Variants in ALDH18A1 observed in about 807,000 individuals in gnomAD.
ALDH18A1 encodes delta-1-pyrroline-5-carboxylate synthase.
In ALDH18A1, 44 loss-of-function variants were observed where a neutral mutation model predicts 88.8. The observed-to-expected ratio is 0.50, with a 90% CI of 0.39 to 0.64. The LOEUF (loss-of-function observed/expected upper bound fraction) is 0.64, where lower values mean the gene tolerates loss of function less well. ALDH18A1 is among the 30% of genes least tolerant of loss of function. ALDH18A1 has a pLI of 0.00. For missense variants in ALDH18A1, 782 were observed against 1,009.5 expected, an observed-to-expected ratio of 0.77 and a Z score of 3.05; for synonymous variants, 331 against 372.1, an observed-to-expected ratio of 0.89 and a Z score of 1.27.
intron 17 of ALDH18A1, among the ~76,000 whole-genome samples, chr10:95,608,135 T>G (rs1377973116): frequency 6.6e-6 from 1 of 152,250 alleles, no homozygotes; most frequent in African/African-American, 2.4e-5. Flanking sequence ...TTACTGTCAT[T>G]AATGCATTTC....
intron 17 of ALDH18A1, 56 bp from the exon 18 acceptor site, chr10:95,606,999 A>C: frequency 6.3e-7 from 1 of 1,575,988 alleles, no homozygotes; most frequent in Non-Finnish European, 8.7e-7. Flanking sequence ...CTTCCTGTCC[A>C]TGCCCCAGAC....
intron 13 of ALDH18A1, among the ~76,000 whole-genome samples, chr10:95,614,953 G>A (rs771394946): frequency 1.3e-5 from 2 of 152,136 alleles, no homozygotes; most frequent in Non-Finnish European, 2.9e-5. Flanking sequence ...ATGCAACAAT[G>A]GGAATGAATG....
chr10:95,642,109 T>TA (rs2097892893), intron 3 of ALDH18A1, among the ~76,000 whole-genome samples: 1 of 152,220 alleles, frequency 6.6e-6, no homozygotes, highest in Non-Finnish European at 1.5e-5. Context: ...CAAGGTAGTG[T>TA]AAGATTTCAG....
intron 2 of ALDH18A1, among the ~76,000 whole-genome samples, chr10:95,647,225 C>G (rs2097902765): frequency 6.6e-6 from 1 of 152,176 alleles, no homozygotes; most frequent in African/African-American, 2.4e-5. Context: ...GAAGTGAACA[C>G]TTACTATATA....
At chr10:95,612,537 T>A (rs1489091488) in intron 15 of ALDH18A1, among the ~76,000 whole-genome samples, 1 of 152,222 alleles carries the variant, frequency 6.6e-6, no homozygotes, top group Non-Finnish European at 1.5e-5. Flanking sequence ...ATCTCACTTC[T>A]TCTGTGTTCC....
intron 2 of ALDH18A1, among the ~76,000 whole-genome samples, chr10:95,650,347 C>T (rs1020639423): frequency 6.6e-5 from 10 of 152,176 alleles, no homozygotes; most frequent in African/African-American, 2.2e-4. Flanking sequence ...AGGACTAATA[C>T]CTGGAAGTGC....
intron 5 of ALDH18A1, 149 bp downstream of exon 5, chr10:95,636,944 G>T: frequency 1.3e-6 from 1 of 783,988 alleles, no homozygotes. Context: ...AGGAAACTGA[G>T]GCACAAAAAG....
chr10:95,631,701 C>T (rs1731689352), intron 7 of ALDH18A1, among the ~76,000 whole-genome samples: 1 of 141,250 alleles, frequency 7.1e-6, no homozygotes, highest in African/African-American at 2.7e-5. Flanking sequence ...CGATATTGTG[C>T]CACTACACTC....
At chr10:95,655,696 G>A (rs2097916971) in intron 1 of ALDH18A1, among the ~76,000 whole-genome samples, 1 of 151,650 alleles carries the variant, frequency 6.6e-6, no homozygotes, top group African/African-American at 2.4e-5. Context: ...GTGTGTGTGT[G>A]TGTGTGTGTG....
intron 1 of ALDH18A1, among the ~76,000 whole-genome samples, chr10:95,654,644 G>T (rs2139673651): frequency 6.6e-6 from 1 of 150,794 alleles, no homozygotes; most frequent in East Asian, 1.9e-4. Flanking sequence ...CTGCACAAAG[G>T]CACTGAAATG....
chr10:95,614,094 C>T lies in ALDH18A1; in HGVS notation c.1673G>A (p.Arg558His), dbSNP rs375122662. Residue 558 changes from arginine to histidine, a missense_variant, in exon 14 of 18, where the codon CGT (arginine) becomes CAT (histidine). By Grantham distance (29) the Arg-to-His change is conservative. Transcript: ENST00000371224. The part of the protein sequence containing the change: ...LDKMIDLIIP[R>H]GSSQLVRDIQ... The stretch of plus-strand genomic sequence containing the variant: ...GTCTCTGACCAGCTGGGAAGAGCCA[C>T]GTGGAATGATCAGATCTATCATTTT... 1.1e-5 allele frequency: 17 copies of T among 1,613,952 alleles called. No individual in the cohort carries two copies. Among genetic ancestry groups the T allele is most frequent in the African/African-American group, 2.7e-5 (2 of 74,888 alleles).
In ALDH18A1 at chr10:95,606,436, C is replaced by A; in HGVS notation, c.*326G>T. ...AAATGCCAAGGGGGACTGTAAGTCA[C>A]TGAGGTGACACAAAGCAGCCATGGG... On this transcript the variant is annotated 3_prime_UTR_variant, in exon 18 of 18. Transcript: ENST00000371224. 8.3e-7 allele frequency: 1 copy of A among 1,200,692 alleles called. No homozygotes were observed. Among genetic ancestry groups the A allele is most frequent in the Non-Finnish European group, 1.0e-6 (1 of 957,122 alleles). 74.4% of individuals were successfully genotyped at this position (1,200,692 alleles called of 1,614,324 possible).
intron 1 of ALDH18A1, among the ~76,000 whole-genome samples, chr10:95,655,081 G>A (rs910025749): frequency 6.6e-6 from 1 of 152,018 alleles, no homozygotes. Context: ...ATTTGGGTTC[G>A]AGCTCTGCAC....
intron 12 of ALDH18A1, among the ~76,000 whole-genome samples, chr10:95,618,548 T>C (rs1189923219): frequency 6.6e-6 from 1 of 152,160 alleles, no homozygotes; most frequent in East Asian, 1.9e-4. Context: ...TCTCTTGACC[T>C]CGTGATTCAC....
intron 6 of ALDH18A1, among the ~76,000 whole-genome samples, 191 bp from the exon 7 acceptor site, chr10:95,633,240 T>C (rs1317716231): frequency 1.3e-5 from 2 of 152,156 alleles, no homozygotes; most frequent in Non-Finnish European, 2.9e-5. Context: ...CAATCCTTTT[T>C]CCAAACATGC....
intron 2 of ALDH18A1, among the ~76,000 whole-genome samples, chr10:95,643,977 C>A (rs1268683347): frequency 6.6e-6 from 1 of 152,146 alleles, no homozygotes; most frequent in Non-Finnish European, 1.5e-5. Flanking sequence ...AACCCCGTCT[C>A]TACTAAAATG....
intron 2 of ALDH18A1, among the ~76,000 whole-genome samples, chr10:95,651,370 A>C (rs1183377709): frequency 6.6e-6 from 1 of 152,208 alleles, no homozygotes; most frequent in African/African-American, 2.4e-5. Flanking sequence ...GCTAGTAGGA[A>C]TGTAAAATGG....
intron 10 of ALDH18A1, among the ~76,000 whole-genome samples, chr10:95,626,338 G>A (rs755927587): frequency 3.9e-5 from 6 of 152,040 alleles, no homozygotes; most frequent in Non-Finnish European, 4.4e-5. Context: ...GCAGGCTCTC[G>A]AGCTTCCCAT....
chr10:95,625,756 A>G (rs975829671), intron 10 of ALDH18A1, among the ~76,000 whole-genome samples: 4 of 148,264 alleles, frequency 2.7e-5, no homozygotes, highest in Non-Finnish European at 6.0e-5. Flanking sequence ...GAGTCATAAG[A>G]AAAAAAAAAG....
Sources: allele counts gnomAD v4.1 joint callset (sites outside exome capture counted in the v4.1 genomes callset), GRCh38; gene constraint gnomAD v4.1.1; transcripts MANE v1.5; gene names NCBI Gene and HGNC (gene_info 2026-07-23, HGNC 2026-07-21).